Variants in TIMMDC1 observed in about 807,000 individuals in gnomAD.
The protein encoded by TIMMDC1 is translocase of inner mitochondrial membrane domain containing 1.
In TIMMDC1, 25 loss-of-function variants were observed where a neutral mutation model predicts 32.6. That is an observed-to-expected ratio of 0.77 (90% CI 0.56 to 1.07). TIMMDC1 has a LOEUF of 1.07. TIMMDC1 is among the 50% of genes least tolerant of loss of function. TIMMDC1 has a pLI of 0.00. For missense variants in TIMMDC1, 329 were observed against 349.2 expected (o/e 0.94, Z 0.46); for synonymous variants, 130 against 127.6 (o/e 1.02, Z -0.13).
chr3:119,508,443 G>T (rs1051215370), intron 4 of TIMMDC1, among the ~76,000 whole-genome samples: 1 of 152,186 alleles, frequency 6.6e-6, no homozygotes, highest in Non-Finnish European at 1.5e-5. Context: ...AAGAAGAGTT[G>T]TCAGTTTTTC....
At chr3:119,522,405 A>T (rs28699182) in intron 6 of TIMMDC1, among the ~76,000 whole-genome samples, 67 of 151,966 alleles carry the variant, frequency 4.4e-4, no homozygotes, top group Non-Finnish European at 8.8e-4. Flanking sequence ...TGAGGAGGGG[A>T]CAGGGAAAGG....
At chr3:119,507,777 G>C (rs2081927210) in intron 4 of TIMMDC1, among the ~76,000 whole-genome samples, 1 of 152,168 alleles carries the variant, frequency 6.6e-6, no homozygotes, top group Non-Finnish European at 1.5e-5. Context: ...ATGGTAAATA[G>C]GTCTTTAGTA....
intron 4 of TIMMDC1, among the ~76,000 whole-genome samples, chr3:119,508,024 A>G (rs1047792453): frequency 3.3e-5 from 5 of 152,182 alleles, no homozygotes; most frequent in African/African-American, 1.2e-4. Context: ...ATCTCTGACA[A>G]AACCCCAATA....
chr3:119,501,366 C>A (rs1232324764), intron 2 of TIMMDC1, among the ~76,000 whole-genome samples: 1 of 152,140 alleles, frequency 6.6e-6, no homozygotes, highest in Non-Finnish European at 1.5e-5. Flanking sequence ...ACAAAGATTT[C>A]CTATATACCT....
intron 4 of TIMMDC1, among the ~76,000 whole-genome samples, chr3:119,506,478 C>A (rs937635115): frequency 3.3e-5 from 5 of 150,728 alleles, no homozygotes; most frequent in African/African-American, 1.2e-4. Context: ...GTGATCATGC[C>A]ACCTCATTCC....
intron 3 of TIMMDC1, 128 bp from the exon 4 acceptor site, chr3:119,503,826 C>A: frequency 1.2e-6 from 1 of 854,632 alleles, no homozygotes; most frequent in Non-Finnish European, 1.8e-6. Flanking sequence ...TTGAAGGGGC[C>A]TAGGCTAGGA....
intron 4 of TIMMDC1, among the ~76,000 whole-genome samples, chr3:119,511,567 C>T (rs1189679910): frequency 1.3e-5 from 2 of 151,978 alleles, no homozygotes; most frequent in African/African-American, 2.4e-5. Flanking sequence ...TATTTTTAAG[C>T]ATAAGAACTA....
chr3:119,502,030 T>C (rs935301593), intron 2 of TIMMDC1, among the ~76,000 whole-genome samples: 1 of 152,206 alleles, frequency 6.6e-6, no homozygotes, highest in African/African-American at 2.4e-5. Context: ...AACTATACAC[T>C]GTAAAATTAC....
rs984295941 is a variant in TIMMDC1, at chr3:119,524,772, G to A, written c.*1016G>A. The stretch of plus-strand genomic sequence containing the variant: ...GGAGTCATGAGTAACATGAACAGCA[G>A]TTGGCTATGTCTTTCCAGTTCTCTG... On this transcript the variant is annotated 3_prime_UTR_variant, in exon 7 of 7. Transcript: ENST00000494664. 6.6e-6 allele frequency: 1 copy of A among 152,230 alleles called. No individual in the cohort carries two copies. Among genetic ancestry groups the A allele is most frequent in the Non-Finnish European group, 1.5e-5 (1 of 68,062 alleles). The allele number at this position is 152,230 out of a possible 1,614,324, so 9.4% of individuals were successfully genotyped here.
At chr3:119,499,088 CTTTCTT>C in intron 1 of TIMMDC1, 161 bp downstream of exon 1, 10 of 492,806 alleles carry the variant, frequency 2.0e-5, no homozygotes, top group African/African-American at 1.1e-4. Flanking sequence ...TATCTTTTTT[CTTTCTT>C]TTTTTTTTTT....
At chr3:119,505,530 T>C (rs1344116560) in intron 4 of TIMMDC1, among the ~76,000 whole-genome samples, 5 of 152,152 alleles carry the variant, frequency 3.3e-5, no homozygotes, top group Non-Finnish European at 1.5e-5. Flanking sequence ...CATTCCCAGC[T>C]AATTTTTTGT....
At chr3:119,508,212 G>C (rs1250444340) in intron 4 of TIMMDC1, among the ~76,000 whole-genome samples, 2 of 152,148 alleles carry the variant, frequency 1.3e-5, no homozygotes, top group African/African-American at 4.8e-5. Context: ...GACCCTCTAT[G>C]ATTGGCTCCC....
In TIMMDC1 at chr3:119,504,035, G is replaced by A. The variant is rs2081899259; in HGVS notation, c.517+14G>A. ...TAATTGCAGGAGGTAAGACATTTTT[G>A]TTTATATTTTTCAGTCTTCTCAAAT... On this transcript the variant is annotated intron_variant, in intron 4 of 6. Transcript: ENST00000494664. 6.3e-7 allele frequency: 1 copy of A among 1,597,936 alleles called. No homozygotes were observed. Among genetic ancestry groups the A allele is most frequent in the Admixed American group, 1.7e-5 (1 of 59,676 alleles).
intron 1 of TIMMDC1, chr3:119,500,402 C>A: frequency 3.5e-6 from 1 of 286,080 alleles, no homozygotes; most frequent in Non-Finnish European, 6.5e-6. Flanking sequence ...TAGCTGTACC[C>A]AGCACTAAGA....
rs1420818383 is a variant in TIMMDC1, at chr3:119,523,968, A to G, written c.*212A>G. On this transcript the variant is annotated 3_prime_UTR_variant, in exon 7 of 7. Coordinates refer to ENST00000494664, the MANE Select transcript of TIMMDC1 (RefSeq NM_016589.4). The stretch of plus-strand genomic sequence containing the variant: ...TTTACTTATCCTTAAATTTAAATAC[A>G]TACTTATGTTTGTATTAATCTATCA... 4 of 415,754 alleles carry G rather than the reference A, an allele frequency of 9.6e-6. No individual in the cohort carries two copies. In the East Asian group the frequency reaches 1.4e-4, roughly 15 times the overall value. 25.8% of individuals were successfully genotyped at this position (415,754 alleles called of 1,614,324 possible).
At chr3:119,506,201 C>T (rs2081917918) in intron 4 of TIMMDC1, among the ~76,000 whole-genome samples, 2 of 152,206 alleles carry the variant, frequency 1.3e-5, no homozygotes, top group African/African-American at 2.4e-5. Context: ...CTTACTTGCT[C>T]CTGCTGTTAC....
At chr3:119,500,512 G>A (rs1373036338) in intron 1 of TIMMDC1, 183 bp from the exon 2 acceptor site, 6 of 535,740 alleles carry the variant, frequency 1.1e-5, no homozygotes, top group South Asian at 3.2e-5. Context: ...TAACACCATA[G>A]CTTCGTTTTG....
chr3:119,506,835 G>A (rs1427520420), intron 4 of TIMMDC1, among the ~76,000 whole-genome samples: 3 of 151,982 alleles, frequency 2.0e-5, no homozygotes, highest in Non-Finnish European at 2.9e-5. Context: ...CAATCTCCTC[G>A]GATTTCCCAA....
chr3:119,506,205 C>T, intron 4 of TIMMDC1, among the ~76,000 whole-genome samples: 1 of 152,200 alleles, frequency 6.6e-6, no homozygotes, highest in Non-Finnish European at 1.5e-5. Context: ...CTTGCTCCTG[C>T]TGTTACGTTC....
Sources: allele counts gnomAD v4.1 joint callset (sites outside exome capture counted in the v4.1 genomes callset), GRCh38; gene constraint gnomAD v4.1.1; transcripts MANE v1.5; gene names NCBI Gene and HGNC (gene_info 2026-07-23, HGNC 2026-07-21).